Variants in ERCC2 observed in about 807,000 individuals in gnomAD.
The protein encoded by ERCC2 is ERCC excision repair 2, TFIIH core complex helicase subunit, also known as general transcription and DNA repair factor IIH helicase subunit XPD.
Under a neutral mutation model 99.4 loss-of-function variants are expected in ERCC2, and 90 were observed. The ratio of observed to expected loss-of-function variants is 0.91; its 90% CI spans 0.76 to 1.08. The LOEUF is 1.08. Among genes scored for constraint, ERCC2 ranks in the 50% least tolerant of loss-of-function variants. The pLI, the probability that ERCC2 is intolerant of heterozygous loss-of-function variation, is 0.00. For missense variants in ERCC2, 993 were observed against 1,038.1 expected (o/e 0.96, Z 0.60); for synonymous variants, 497 against 432.4 (o/e 1.15, Z -1.85).
At chr19:45,359,450 G>A (rs1191823139) in intron 12 of ERCC2, among the ~76,000 whole-genome samples, 1 of 152,172 alleles carries the variant, frequency 6.6e-6, no homozygotes, top group African/African-American at 2.4e-5. Context: ...CTGGTTTCCT[G>A]GGTACAGGAG....
chr19:45,368,608 A>T (rs1412760301), intron 5 of ERCC2, 22 bp downstream of exon 5: 1 of 1,499,296 alleles, frequency 6.7e-7, no homozygotes, highest in Admixed American at 1.7e-5. Flanking sequence ...GCTAAGGGCA[A>T]GGAGAAGGAA....
Position 45,351,204 on chromosome 19 carries a change from C to G in ERCC2, c.*425G>C. ...GGCGAGGGGGTTGGATAGTTGGCTG[C>G]CAGGCTGGACCTGGAGCTGGAGGGT... is the stretch of plus-strand genomic sequence containing the variant. On this transcript the variant is annotated 3_prime_UTR_variant, in exon 23 of 23. Coordinates refer to ENST00000391945, the MANE Select transcript of ERCC2 (RefSeq NM_000400.4). 1 of 1,585,196 alleles carries G rather than the reference C, an allele frequency of 6.3e-7. No individual in the cohort carries two copies. Among genetic ancestry groups the G allele is most frequent in the Non-Finnish European group, 8.6e-7 (1 of 1,165,008 alleles).
Position 45,350,911 on chromosome 19 carries a change from ACTCCTGGATTCACT to A in ERCC2, c.*704_*717del. On this transcript the variant is annotated 3_prime_UTR_variant, in exon 23 of 23. Transcript: ENST00000391945. ...GAAAGGTCCCTCGTGGAGGGGGGCC[ACTCCTGGATTCACT>A]CATTTCCTCCCTGCTGCCCTCTTTG... is the stretch of plus-strand genomic sequence containing the variant. 6.3e-7 allele frequency: 1 copy of A among 1,590,250 alleles called. No homozygotes were observed.
In ERCC2 at chr19:45,353,420, C is replaced by G. The variant is rs1484296880; in HGVS notation, c.1666-86G>C. On this transcript the variant is annotated intron_variant, in intron 17 of 22. Coordinates refer to ENST00000391945, the MANE Select transcript of ERCC2 (RefSeq NM_000400.4). Reference sequence around the variant, plus strand: ...AACTCTTCTGGGGACTCCCACATCACCATGTCTCTGGGCCTCAGCTGGCTC... The same window carrying G: ...AACTCTTCTGGGGACTCCCACATCAGCATGTCTCTGGGCCTCAGCTGGCTC... 4.7e-5 allele frequency: 41 copies of G among 872,770 alleles called. 1 individual carries two copies. In the East Asian group the frequency reaches 1.1e-3, roughly 23 times the overall value. 54.1% of individuals were successfully genotyped at this position (872,770 alleles called of 1,614,324 possible).
At position 45,350,860 on chromosome 19, in the gene ERCC2, A is replaced by C. The variant is rs968284825; in HGVS notation, c.*769T>G. On this transcript the variant is annotated 3_prime_UTR_variant, in exon 23 of 23. Coordinates refer to ENST00000391945, the MANE Select transcript of ERCC2 (RefSeq NM_000400.4). ...TTCCATGGCTCCCATCTCCCCTGTG[A>C]TACACACAGATCAAACCCTGTGCTG... 19 of 1,384,592 alleles carry C rather than the reference A, an allele frequency of 1.4e-5. No individual in the cohort carries two copies. The highest frequency in any genetic ancestry group is 1.7e-5 in the Non-Finnish European group (17 of 1,003,382). The allele number at this position is 1,384,592 out of a possible 1,614,324, so 85.8% of individuals were successfully genotyped here.
chr19:45,351,253 TCC>T lies in ERCC2; in HGVS notation c.*374_*375del, dbSNP rs34454606. ...GTGGATGTAACACTTGCCCCTCACCTCCCCTCCAACCATCCCCTGTGCCTGTC... is the reference window on the plus strand; with the variant it reads ...GTGGATGTAACACTTGCCCCTCACCTCCTCCAACCATCCCCTGTGCCTGTC... On this transcript the variant is annotated 3_prime_UTR_variant, in exon 23 of 23. Transcript: ENST00000391945. The T allele has an allele frequency of 6.2e-7, 1 of 1,600,152 alleles. No individual in the cohort carries two copies.
In ERCC2 at chr19:45,350,691, A is replaced by T. The variant is rs780520784; in HGVS notation, c.*938T>A. 1.2e-5 allele frequency: 19 copies of T among 1,613,604 alleles called. No homozygotes were observed. The Admixed American group carries it at 2.2e-4, about 18-fold the overall frequency. On this transcript the variant is annotated 3_prime_UTR_variant, in exon 23 of 23. Transcript: ENST00000391945. ...CCAAGATCCGTGAGTCTATCAGGCG[A>T]GGAAGTGAGAAGCTGGTCTCCCGGC...
chr19:45,352,265 C>A lies in ERCC2; in HGVS notation c.2134G>T (p.Glu712Ter), dbSNP rs775212976. The A allele has an allele frequency of 6.2e-7, 1 of 1,614,132 alleles. No individual in the cohort carries two copies. The highest frequency in any genetic ancestry group is 1.7e-5 in the Admixed American group (1 of 60,028). Residue 712 changes from glutamate (E) to a stop codon, truncating the protein, a stop_gained, in exon 22 of 23, where the codon GAG becomes TAG. Transcript: ENST00000391945. LOFTEE classifies it high-confidence loss of function. ...TDANLNLTVDEGVQVAKYFLR... is the reference protein window; with the variant it reads ...TDANLNLTVD ...AAGTACTTGGCCACCTGGACACCCT[C>A]GTCCACGGTCAGGTTGAGGTTGGCA...
rs758046732 is a variant in ERCC2 at position 45,352,641 on chromosome 19, C to T, written c.1911G>A (p.Leu637=). The T allele has an allele frequency of 8.7e-6, 14 of 1,613,910 alleles. No homozygotes were observed. The highest frequency in any genetic ancestry group is 1.0e-5 in the Non-Finnish European group (12 of 1,180,016). Residue 637 remains leucine, a synonymous_variant, in exon 21 of 23, where the codon CTG becomes CTA. Coordinates refer to ENST00000391945, the MANE Select transcript of ERCC2 (RefSeq NM_000400.4). ...TCTGGAACTGGTCCCGCAGGTATTCCAGCCGCGCCTGCAGATACGGAGGAT... is the reference window on the plus strand; with the variant it reads ...TCTGGAACTGGTCCCGCAGGTATTCTAGCCGCGCCTGCAGATACGGAGGAT... ...YTQSRILKAR[L]EYLRDQFQIR...
rs1599753508 is a variant in ERCC2, at chr19:45,370,534, A to G, written c.5+2T>C. On this transcript the variant is annotated splice_donor_variant, in intron 1 of 22. Coordinates refer to ENST00000391945, the MANE Select transcript of ERCC2 (RefSeq NM_000400.4). LOFTEE classifies it high-confidence loss of function. ...GAGCGCGACCCCCAGCCCCCTTCTC[A>G]CTTCATGGCGCCGGCCGGACTGTGC... The G allele has an allele frequency of 6.4e-7, 1 of 1,573,704 alleles. No homozygotes were observed. Among genetic ancestry groups the G allele is most frequent in the Non-Finnish European group, 8.6e-7 (1 of 1,168,168 alleles).
chr19:45,367,702 C>T lies in ERCC2; in HGVS notation c.360+928G>A, dbSNP rs1159154286. Among the ~76,000 whole-genome samples, 8 of 151,732 alleles carry T rather than the reference C, an allele frequency of 5.3e-5. No individual in the cohort carries two copies. The South Asian group carries it at 6.3e-4, about 12-fold the overall frequency. On this transcript the variant is annotated intron_variant, in intron 5 of 22. Transcript: ENST00000391945. ...TTTTTCAATTTTTTTTCAGTAGAGA[C>T]GGGGTTTCTCCATATTGGCCAGGCT...
rs1336612482 is a variant in ERCC2 at position 45,357,559 on chromosome 19, G to A, written c.1308-16C>T. The A allele has an allele frequency of 6.2e-7, 1 of 1,614,014 alleles. No individual in the cohort carries two copies. The highest frequency in any genetic ancestry group is 1.7e-5 in the Admixed American group (1 of 60,010). On this transcript the variant is annotated splice_polypyrimidine_tract_variant and intron_variant, in intron 13 of 22. Coordinates refer to ENST00000391945, the MANE Select transcript of ERCC2 (RefSeq NM_000400.4). ...GTCCATGCAGCTGGAGAGAGATGAG[G>A]GCAGTGAGGGCCCGGGGGGCTGGGC...
Position 45,357,307 on chromosome 19 carries a change from A to C in ERCC2, c.1442T>G (p.Phe481Cys). 6.2e-7 allele frequency: 1 copy of C among 1,614,036 alleles called. No individual in the cohort carries two copies. Among genetic ancestry groups the C allele is most frequent in the Middle Eastern group, 1.7e-4 (1 of 6,060 alleles). ...GCAGACCCGTGCCAGCGTCATGGTG[A>C]AGGTTGCCATGGTGACGGGGTGGAA... ...LDFHPVTMAT[F>C]TMTLARVCLC... The change falls in exon 15 of 23, where the codon TTC (phenylalanine) becomes TGC (cysteine). Residue 481 changes from phenylalanine (F) to cysteine (C), a missense_variant. Phe to Cys is a radical substitution (Grantham distance 205). Transcript: ENST00000391945.
rs780226650 is a variant in ERCC2 at position 45,368,917 on chromosome 19, A to C, written c.246+13T>G. ...ACAGTGGGGCTGGAGCACCAGGATGAGTCCCAGCTTACCTTCTCAATCTCT... is the reference window on the plus strand; with the variant it reads ...ACAGTGGGGCTGGAGCACCAGGATGCGTCCCAGCTTACCTTCTCAATCTCT... On this transcript the variant is annotated intron_variant, in intron 4 of 22. Coordinates refer to ENST00000391945, the MANE Select transcript of ERCC2 (RefSeq NM_000400.4). The C allele has an allele frequency of 6.2e-7, 1 of 1,613,538 alleles. No homozygotes were observed. Among genetic ancestry groups the C allele is most frequent in the Non-Finnish European group, 8.5e-7 (1 of 1,179,392 alleles).
At chr19:45,354,602 G>A (rs1004205225) in intron 17 of ERCC2, 128 bp downstream of exon 17, 126 of 1,210,620 alleles carry the variant, frequency 1.0e-4, no homozygotes, top group Non-Finnish European at 1.4e-4. Flanking sequence ...ATTCCTACAT[G>A]CTGCACACAC....
Position 45,352,239 on chromosome 19 carries a change from G to C in ERCC2, c.2160C>G (p.Phe720Leu). ...VDEGVQVAKY[F>L]LRQMAQPFHR... ...GGAAGGGCTGTGCCATCTGCCGCAGGAAGTACTTGGCCACCTGGACACCCT... is the reference window on the plus strand; with the variant it reads ...GGAAGGGCTGTGCCATCTGCCGCAGCAAGTACTTGGCCACCTGGACACCCT... The change falls in exon 22 of 23, where the codon TTC becomes TTG. Residue 720 changes from phenylalanine (F) to leucine (L), a missense_variant. Transcript: ENST00000391945. 1 of 1,614,110 alleles carries C rather than the reference G, an allele frequency of 6.2e-7. No homozygotes were observed. The highest frequency in any genetic ancestry group is 8.5e-7 in the Non-Finnish European group (1 of 1,180,018).
In ERCC2 at chr19:45,364,289, C is replaced by T; in HGVS notation, c.761G>A (p.Arg254Gln). ...GTTGCCCTGGCACCGGTCAAGGGTC[C>T]GGCGGGTGAGGTTGACGCTCATGGA... The part of the protein sequence containing the change: ...IDSMSVNLTR[R>Q]TLDRCQGNLE... Residue 254 changes from arginine to glutamine, a missense_variant, in exon 9 of 23, where the codon CGG (arginine) becomes CAG (glutamine). This residue lies in a region of ERCC2 where 909 missense variants were observed against 930.8 expected (regional missense o/e 0.98). Coordinates refer to ENST00000391945, the MANE Select transcript of ERCC2 (RefSeq NM_000400.4). The T allele has an allele frequency of 6.2e-7, 1 of 1,613,964 alleles. No homozygotes were observed. Among genetic ancestry groups the T allele is most frequent in the African/African-American group, 1.3e-5 (1 of 75,038 alleles).
rs1599739474 is a variant in ERCC2, at chr19:45,361,591, G to A, written c.1170C>T (p.Asp390=). 3 of 1,614,066 alleles carry A rather than the reference G, an allele frequency of 1.9e-6. No individual in the cohort carries two copies. Among genetic ancestry groups the A allele is most frequent in the Non-Finnish European group, 2.5e-6 (3 of 1,179,952 alleles). The change falls in exon 12 of 23, where the codon GAC becomes GAT. Residue 390 remains aspartate, a synonymous_variant. Transcript: ENST00000391945. ...GGGTGAGCGGGGAGAAGTCAGCAAG[G>A]TCGGTGATCTCCAGAGTATGCAGCA... is the stretch of plus-strand genomic sequence containing the variant. ...RSLLHTLEIT[D]LADFSPLTLL... is the part of the protein sequence containing the mutation.
rs749815182 is a variant in ERCC2 at position 45,357,503 on chromosome 19, G to A, written c.1348C>T (p.Arg450Cys). Reference protein sequence around the residue: ...ASLAIKPVFERFQSVIITSGT... With the variant: ...ASLAIKPVFECFQSVIITSGT... ...GATGTGATGATGACAGACTGGAAAC[G>A]CTCAAATACGGGTTTGATGGCCAGC... Residue 450 changes from arginine to cysteine, a missense_variant, in exon 14 of 23, where the codon CGT (arginine) becomes TGT (cysteine). By Grantham distance (180) the Arg-to-Cys change is radical. Coordinates refer to ENST00000391945, the MANE Select transcript of ERCC2 (RefSeq NM_000400.4). 15 of 1,614,040 alleles carry A rather than the reference G, an allele frequency of 9.3e-6. No homozygotes were observed. The highest frequency in any genetic ancestry group is 2.7e-5 in the African/African-American group (2 of 74,926).
Sources: gnomAD v4.1 joint callset for allele counts (sites outside exome capture counted in the v4.1 genomes callset) on GRCh38, gnomAD v4.1.1 for gene constraint, gnomAD v4.1.1 regional missense constraint, MANE v1.5 for transcripts, NCBI Gene and HGNC (gene_info 2026-07-23, HGNC 2026-07-21) for gene names.